POLR1A: variants seen among roughly 807,000 people sequenced by gnomAD.
The protein encoded by POLR1A is RNA polymerase I subunit A.
Under a neutral mutation model 205.3 loss-of-function variants are expected in POLR1A, and 84 were observed. That is an observed-to-expected ratio of 0.41 (90% CI 0.34 to 0.49). The LOEUF (loss-of-function observed/expected upper bound fraction) is 0.49. Among genes scored for constraint, POLR1A ranks in the 20% least tolerant of loss-of-function variants. The probability of loss-of-function intolerance (pLI) is 0.22; values close to 1 mark genes in which losing one functional copy is unlikely to be tolerated. For synonymous variants in POLR1A, 799 were observed against 863.7 expected (o/e 0.93, Z 1.31); for missense variants, 1,645 against 2,204.5 (o/e 0.75, Z 5.08).
chr2:86,087,554 T>C (rs1673524611), intron 6 of POLR1A, among the ~76,000 whole-genome samples: 1 of 152,230 alleles, frequency 6.6e-6, no homozygotes, highest in Non-Finnish European at 1.5e-5. Context: ...TTTTTCTTTC[T>C]TTTTCTGAGA....
At chr2:86,091,086 C>T (rs546795022) in intron 3 of POLR1A, among the ~76,000 whole-genome samples, 1 of 152,268 alleles carries the variant, frequency 6.6e-6, no homozygotes, top group Non-Finnish European at 1.5e-5. Flanking sequence ...AAGGACTATA[C>T]TCTCAGGAAC....
rs547280701 is a variant in POLR1A, at chr2:86,068,389, G to C, written c.1866+1629C>G. Among the ~76,000 whole-genome samples the C allele has an allele frequency of 3.7e-4, 44 of 118,504 alleles. 12 individuals carry two copies. The highest frequency in any genetic ancestry group is 5.8e-4 in the Non-Finnish European group (32 of 55,528). 77.7% of individuals were successfully genotyped at this position (118,504 alleles called of 152,430 possible). On this transcript the variant is annotated intron_variant, in intron 13 of 33. Transcript: ENST00000263857. ...CACGCACAGCCAAGCACATGGGCGG[G>C]GGGGGGGGGCGGGTGTCGTCCAAAG...
intron 13 of POLR1A, among the ~76,000 whole-genome samples, chr2:86,069,197 A>G (rs1171860971): frequency 6.6e-6 from 1 of 152,232 alleles, no homozygotes; most frequent in East Asian, 1.9e-4. Context: ...GTTTGACGTT[A>G]CGATTATTCT....
chr2:86,065,196 C>T, intron 14 of POLR1A, 78 bp downstream of exon 14: 2 of 1,284,818 alleles, frequency 1.6e-6, no homozygotes, highest in East Asian at 2.3e-5. Context: ...CTGGTCTGGA[C>T]TCTTCTGAGA....
chr2:86,041,812 G>C, intron 24 of POLR1A, 77 bp downstream of exon 24: 2 of 1,266,444 alleles, frequency 1.6e-6, no homozygotes, highest in Non-Finnish European at 1.1e-6. Flanking sequence ...TCCGGAGTGA[G>C]TAGGGCAGGG....
intron 1 of POLR1A, among the ~76,000 whole-genome samples, chr2:86,102,220 C>A (rs1024011761): frequency 6.6e-6 from 1 of 152,196 alleles, no homozygotes; most frequent in African/African-American, 2.4e-5. Context: ...CTACTGTTTT[C>A]CATAGTGGTT....
intron 13 of POLR1A, among the ~76,000 whole-genome samples, chr2:86,068,128 G>T (rs1442229280): frequency 6.6e-6 from 1 of 152,106 alleles, no homozygotes; most frequent in Non-Finnish European, 1.5e-5. Context: ...TCAAAATCAA[G>T]CACAGCACAT....
intron 13 of POLR1A, among the ~76,000 whole-genome samples, chr2:86,069,443 C>T (rs311572): frequency 0.83 from 125,608 of 152,150 alleles, 52,530 homozygotes; most frequent in Non-Finnish European, 0.89. Flanking sequence ...GCTAAGGAGA[C>T]GGGGGAGGAA....
At chr2:86,040,308 C>T (rs183510865) in intron 25 of POLR1A, 84 bp downstream of exon 25, 5 of 1,093,870 alleles carry the variant, frequency 4.6e-6, no homozygotes, top group African/African-American at 3.2e-5. Context: ...TTCACACACA[C>T]TCACTCACCC....
At chr2:86,083,020 A>C (rs1438629156) in intron 7 of POLR1A, 62 bp downstream of exon 7, 2 of 1,212,086 alleles carry the variant, frequency 1.7e-6, no homozygotes, top group Non-Finnish European at 2.5e-6. Flanking sequence ...GGCAGGGTTA[A>C]TGAGTCCAGG....
Position 86,020,877 on chromosome 2 carries a change from T to C in POLR1A, c.*6546A>G, listed in dbSNP as rs1029775686. On this transcript the variant is annotated 3_prime_UTR_variant, in exon 34 of 34. Coordinates refer to ENST00000263857, the MANE Select transcript of POLR1A (RefSeq NM_015425.6). ...CCCAAGTTGAGAACCACTTAGTGTA[T>C]AGGTAAACATGTATAGTTGTGTGCA... is the stretch of plus-strand genomic sequence containing the variant. 7 of 152,360 alleles carry C rather than the reference T, an allele frequency of 4.6e-5. No individual in the cohort carries two copies. The highest frequency in any genetic ancestry group is 2.1e-4 in the South Asian group (1 of 4,832). The allele number at this position is 152,360 out of a possible 1,614,324, so 9.4% of individuals were successfully genotyped here. A position where few individuals can be genotyped will look rare whatever the true frequency, so the allele number is the denominator to read the frequency against.
intron 1 of POLR1A, among the ~76,000 whole-genome samples, chr2:86,103,317 G>A (rs1673856368): frequency 6.6e-6 from 1 of 152,130 alleles, no homozygotes; most frequent in African/African-American, 2.4e-5. Flanking sequence ...AGGTGGATGT[G>A]TGCCCGTGGT....
chr2:86,044,464 G>A, intron 21 of POLR1A, 160 bp from the exon 22 acceptor site: 1 of 694,396 alleles, frequency 1.4e-6, no homozygotes, highest in Admixed American at 2.9e-5. Flanking sequence ...CGGGGTCTGG[G>A]CTTGCTCCAG....
chr2:86,031,847 T>C (rs1672402292), intron 29 of POLR1A, among the ~76,000 whole-genome samples: 1 of 152,108 alleles, frequency 6.6e-6, no homozygotes, highest in South Asian at 2.1e-4. Context: ...CCTGAGCCCC[T>C]CACAGAGGTG....
At chr2:86,097,414 T>C (rs554729996) in intron 3 of POLR1A, among the ~76,000 whole-genome samples, 1 of 152,146 alleles carries the variant, frequency 6.6e-6, no homozygotes, top group African/African-American at 2.4e-5. Flanking sequence ...GGAAAAGAAA[T>C]TGGTATATCA....
rs548688264 is a variant in POLR1A at position 86,045,289 on chromosome 2, G to A, written c.2958C>T (p.Gly986=). Residue 986 remains glycine (G), a synonymous_variant, in exon 21 of 34, where the codon GGC becomes GGT. Coordinates refer to ENST00000263857, the MANE Select transcript of POLR1A (RefSeq NM_015425.6). ...VDTAVKTSRS[G]YLQRCIIKHL... ...CAGATACATTTTACCTTTGGAGATA[G>A]CCTGAGCGGCTGGTTTTCACAGCAG... The A allele has an allele frequency of 1.2e-6, 2 of 1,611,586 alleles. No homozygotes were observed. Among genetic ancestry groups the A allele is most frequent in the East Asian group, 2.2e-5 (1 of 44,876 alleles).
intron 22 of POLR1A, 133 bp from the exon 23 acceptor site, chr2:86,043,328 C>T: frequency 1.5e-6 from 1 of 689,146 alleles, no homozygotes; most frequent in South Asian, 1.8e-5. Flanking sequence ...CATGATGGGG[C>T]CGAGCACCAC....
intron 8 of POLR1A, 77 bp from the exon 9 acceptor site, chr2:86,081,055 T>A: frequency 7.4e-7 from 1 of 1,344,896 alleles, no homozygotes; most frequent in Non-Finnish European, 1.0e-6. Context: ...CACCCATGCC[T>A]ACTGTAGGGA....
rs750185946 is a variant in POLR1A at position 86,043,244 on chromosome 2, CAA to C, written c.3136-51_3136-50del. The C allele has an allele frequency of 2.0e-6, 3 of 1,484,316 alleles. No individual in the cohort carries two copies. The South Asian group carries it at 3.4e-5, about 17-fold the overall frequency. 91.9% of individuals were successfully genotyped at this position (1,484,316 alleles called of 1,614,324 possible). A position where few individuals can be genotyped will look rare whatever the true frequency, so the allele number is the denominator to read the frequency against. On this transcript the variant is annotated intron_variant, in intron 22 of 33. Transcript: ENST00000263857. The stretch of plus-strand genomic sequence containing the variant: ...AACAAACAAATCACACACATGAGAT[CAA>C]AGAGATGAGGGCGTGACAAGAGGGC...
Sources: gnomAD v4.1 joint callset for allele counts (sites outside exome capture counted in the v4.1 genomes callset) on GRCh38, gnomAD v4.1.1 for gene constraint, MANE v1.5 for transcripts, NCBI Gene and HGNC (gene_info 2026-07-23, HGNC 2026-07-21) for gene names.